MICOS10: variants seen among roughly 807,000 people sequenced by gnomAD.
The protein encoded by MICOS10 is MICOS complex subunit MIC10.
In MICOS10, 5 loss-of-function variants were observed where a neutral mutation model predicts 13.4. The ratio of observed to expected loss-of-function variants is 0.37; its 90% CI spans 0.20 to 0.78. The LOEUF (loss-of-function observed/expected upper bound fraction) is 0.78. Ranked by LOEUF, MICOS10 falls within the 30% of genes least tolerant of loss-of-function variation. MICOS10 has a pLI of 0.47. For missense variants in MICOS10, 101 were observed against 94.6 expected (o/e 1.07, Z -0.28); for synonymous variants, 35 against 33.6 (o/e 1.04, Z -0.15).
chr1:19,597,939 C>T (rs1009102913), intron 1 of MICOS10: 5 of 152,144 alleles, frequency 3.3e-5, no homozygotes, highest in Non-Finnish European at 1.5e-5. Flanking sequence ...TCCCATGTTC[C>T]TTCTTCGATG....
chr1:19,613,836 C>T (rs2094873276), intron 1 of MICOS10, among the ~76,000 whole-genome samples: 1 of 152,148 alleles, frequency 6.6e-6, no homozygotes, highest in African/African-American at 2.4e-5. Flanking sequence ...GGATGAAGCA[C>T]CACGCCTCTG....
chr1:19,599,087 G>A (rs188516114), intron 1 of MICOS10, among the ~76,000 whole-genome samples: 15 of 151,966 alleles, frequency 9.9e-5, no homozygotes, highest in Non-Finnish European at 1.9e-4. Flanking sequence ...ATAGGGTCTC[G>A]CTCTGTCACC....
chr1:19,598,939 G>A (rs1193431707), intron 1 of MICOS10, among the ~76,000 whole-genome samples: 1 of 151,916 alleles, frequency 6.6e-6, no homozygotes, highest in Non-Finnish European at 1.5e-5. Flanking sequence ...TATACAGGCA[G>A]GGTCTCCCTA....
intron 3 of MICOS10, among the ~76,000 whole-genome samples, chr1:19,624,631 A>G (rs2094916060): frequency 6.6e-6 from 1 of 152,010 alleles, no homozygotes; most frequent in Non-Finnish European, 1.5e-5. Context: ...GAAACTTCTT[A>G]CCCACACCTC....
At chr1:19,599,062 T>A (rs2094804009) in intron 1 of MICOS10, among the ~76,000 whole-genome samples, 1 of 151,986 alleles carries the variant, frequency 6.6e-6, no homozygotes. Context: ...TAGTAGTTGT[T>A]TTTTATTTTT....
At chr1:19,619,819 A>G (rs1449974072) in intron 1 of MICOS10, among the ~76,000 whole-genome samples, 1 of 152,260 alleles carries the variant, frequency 6.6e-6, no homozygotes. Context: ...CCTCTCCAAA[A>G]GGCATGGTTT....
chr1:19,614,165 TC>T (rs1330740437), intron 1 of MICOS10, among the ~76,000 whole-genome samples: 1 of 152,036 alleles, frequency 6.6e-6, no homozygotes, highest in African/African-American at 2.4e-5. Context: ...AACCTCCGCC[TC>T]CCGGGTTCAA....
chr1:19,601,488 G>A (rs572562378), intron 1 of MICOS10, among the ~76,000 whole-genome samples: 13 of 151,680 alleles, frequency 8.6e-5, no homozygotes, highest in Non-Finnish European at 1.6e-4. Context: ...TGAGGTGGGA[G>A]GATCTCTTGA....
chr1:19,623,459 T>C lies in MICOS10; in HGVS notation c.113-15T>C. On this transcript the variant is annotated splice_polypyrimidine_tract_variant and intron_variant, in intron 2 of 3. Coordinates refer to ENST00000322753, the MANE Select transcript of MICOS10 (RefSeq NM_001032363.4). ...AATAATTCCCTATTGGGATTTTCCCTTTTTTGCTCACTAGGAAGAATGTGG... is the reference window on the plus strand; with the variant it reads ...AATAATTCCCTATTGGGATTTTCCCCTTTTTGCTCACTAGGAAGAATGTGG... 6.4e-7 allele frequency: 1 copy of C among 1,563,624 alleles called. No homozygotes were observed. The highest frequency in any genetic ancestry group is 8.8e-7 in the Non-Finnish European group (1 of 1,138,752).
chr1:19,621,734 T>C (rs1254056287), intron 1 of MICOS10, among the ~76,000 whole-genome samples: 1 of 152,188 alleles, frequency 6.6e-6, no homozygotes, highest in Non-Finnish European at 1.5e-5. Flanking sequence ...GTTGGCACTA[T>C]CTCATGTTTT....
At chr1:19,619,421 A>G (rs1261377608) in intron 1 of MICOS10, among the ~76,000 whole-genome samples, 1 of 152,252 alleles carries the variant, frequency 6.6e-6, no homozygotes, top group African/African-American at 2.4e-5. Context: ...TTGAGCAACT[A>G]GAAATTGTCC....
chr1:19,607,882 A>G (rs1052930638), intron 1 of MICOS10, among the ~76,000 whole-genome samples: 3 of 152,186 alleles, frequency 2.0e-5, no homozygotes, highest in African/African-American at 4.8e-5. Context: ...AAATCAGTAG[A>G]GTAGGATAAA....
Position 19,626,502 on chromosome 1 carries a change from T to A in MICOS10, c.*101T>A. On this transcript the variant is annotated 3_prime_UTR_variant, in exon 4 of 4. Transcript: ENST00000322753. ...GTAAGCTGCCATTCTTCTGTAACAATGTTATCAGTAATGCTTTAAACTCCA... is the reference window on the plus strand; with the variant it reads ...GTAAGCTGCCATTCTTCTGTAACAAAGTTATCAGTAATGCTTTAAACTCCA... The A allele has an allele frequency of 7.7e-7, 1 of 1,303,326 alleles. No individual in the cohort carries two copies. Among genetic ancestry groups the A allele is most frequent in the Non-Finnish European group, 1.1e-6 (1 of 909,064 alleles). The allele number at this position is 1,303,326 out of a possible 1,614,324, so 80.7% of individuals were successfully genotyped here. A position where few individuals can be genotyped will look rare whatever the true frequency, so the allele number is the denominator to read the frequency against.
At chr1:19,597,140 C>G in intron 1 of MICOS10, 31 bp downstream of exon 1, 1 of 1,593,796 alleles carries the variant, frequency 6.3e-7, no homozygotes, top group Non-Finnish European at 8.6e-7. Context: ...GCAGGCCCGG[C>G]CGGTGCAGAG....
intron 1 of MICOS10, among the ~76,000 whole-genome samples, chr1:19,617,778 T>C (rs2094889549): frequency 6.6e-6 from 1 of 152,168 alleles, no homozygotes; most frequent in African/African-American, 2.4e-5. Context: ...GTCAGTTTGA[T>C]ATAAATTCAT....
At chr1:19,606,386 A>T (rs1004258972) in intron 1 of MICOS10, among the ~76,000 whole-genome samples, 1 of 152,204 alleles carries the variant, frequency 6.6e-6, no homozygotes, top group Non-Finnish European at 1.5e-5. Flanking sequence ...GATGAAAGTT[A>T]TTGGTTTATC....
In MICOS10 at chr1:19,626,764, T is replaced by C. The variant is rs1243584521; in HGVS notation, c.*363T>C. 1.3e-5 allele frequency: 3 copies of C among 235,366 alleles called. No individual in the cohort carries two copies. Among genetic ancestry groups the C allele is most frequent in the South Asian group, 7.5e-5 (1 of 13,374 alleles). 14.6% of individuals were successfully genotyped at this position (235,366 alleles called of 1,614,324 possible). A position where few individuals can be genotyped will look rare whatever the true frequency, so the allele number is the denominator to read the frequency against. ...CCTGAAACCAGTTGTTGGGTATCCT[T>C]CCCATTTGCCCCCTCAGGCGTAGTT... On this transcript the variant is annotated 3_prime_UTR_variant, in exon 4 of 4. Coordinates refer to ENST00000322753, the MANE Select transcript of MICOS10 (RefSeq NM_001032363.4).
At chr1:19,597,193 G>C in intron 1 of MICOS10, 84 bp downstream of exon 1, 73 of 1,401,474 alleles carry the variant, frequency 5.2e-5, no homozygotes, top group Non-Finnish European at 6.7e-5. Context: ...AGGAAGGGAA[G>C]CCCCACGGGA....
chr1:19,626,192 T>G lies in MICOS10; in HGVS notation c.223-195T>G, dbSNP rs78023571. ...TCCACTCGTTTCCCACTCTTCTCCC[T>G]GGAAGATTGGGGCTGGATGGCACTC... On this transcript the variant is annotated intron_variant, in intron 3 of 3. Coordinates refer to ENST00000322753, the MANE Select transcript of MICOS10 (RefSeq NM_001032363.4). Among the ~76,000 whole-genome samples, 359 of 152,332 alleles carry G rather than the reference T, an allele frequency of 2.4e-3. 4 individuals carry two copies. The East Asian group carries it at 0.048, about 20-fold the overall frequency.
Sources: gnomAD v4.1 joint callset for allele counts (sites outside exome capture counted in the v4.1 genomes callset) on GRCh38, gnomAD v4.1.1 for gene constraint, MANE v1.5 for transcripts, NCBI Gene and HGNC (gene_info 2026-07-23, HGNC 2026-07-21) for gene names.